Variants in CD72 observed in about 807,000 individuals in gnomAD.
The protein encoded by CD72 is CD72 molecule.
Under a neutral mutation model 50.7 loss-of-function variants are expected in CD72, and 28 were observed. That is an observed-to-expected ratio of 0.55 (90% CI 0.41 to 0.76). CD72 has a LOEUF of 0.76. Ranked by LOEUF, CD72 falls within the 30% of genes least tolerant of loss-of-function variation. The pLI, the probability that CD72 is intolerant of heterozygous loss-of-function variation, is 0.00. For synonymous variants in CD72, 176 were observed against 171.2 expected (o/e 1.03, Z -0.22); for missense variants, 403 against 420.6 (o/e 0.96, Z 0.37).
intron 1 of CD72, among the ~76,000 whole-genome samples, chr9:35,641,190 G>T (rs973110877): frequency 2.0e-5 from 3 of 152,158 alleles, no homozygotes; most frequent in Non-Finnish European, 4.4e-5. Context: ...TTCCTCGGGG[G>T]GGGTGCCTTC....
intron 1 of CD72, among the ~76,000 whole-genome samples, chr9:35,626,775 T>C (rs1472103927): frequency 6.6e-6 from 1 of 152,214 alleles, no homozygotes; most frequent in Non-Finnish European, 1.5e-5. Flanking sequence ...CAATAAGGTA[T>C]TTTTTAATTA....
chr9:35,634,580 T>C (rs1448343570), intron 1 of CD72, among the ~76,000 whole-genome samples: 1 of 152,222 alleles, frequency 6.6e-6, no homozygotes, highest in East Asian at 1.9e-4. Context: ...TTTGAACTCC[T>C]GACCTCAGGT....
chr9:35,638,880 G>A (rs1329556444), intron 1 of CD72, among the ~76,000 whole-genome samples: 3 of 152,130 alleles, frequency 2.0e-5, no homozygotes, highest in African/African-American at 7.2e-5. Context: ...TAAAAAGGCA[G>A]CACACAAAGC....
At chr9:35,610,803 C>G (rs747204642) in intron 7 of CD72, 50 bp from the exon 8 acceptor site, 11 of 1,462,082 alleles carry the variant, frequency 7.5e-6, no homozygotes, top group Non-Finnish European at 1.0e-5. Flanking sequence ...ATATCCCACC[C>G]TCCCTTCTCT....
chr9:35,619,213 C>G (rs573234189), upstream of CD72, among the ~76,000 whole-genome samples: 47 of 152,294 alleles, frequency 3.1e-4, no homozygotes, highest in African/African-American at 1.1e-3. Context: ...GCGGAGGACC[C>G]AGGGACCGCG....
chr9:35,614,015 C>T (rs560908887), intron 5 of CD72, among the ~76,000 whole-genome samples: 2 of 149,412 alleles, frequency 1.3e-5, no homozygotes, highest in Non-Finnish European at 3.0e-5. Flanking sequence ...CGAGACTCCG[C>T]CTCAAAAAAA....
At chr9:35,635,711 T>C (rs1352136802) in intron 1 of CD72, among the ~76,000 whole-genome samples, 1 of 152,194 alleles carries the variant, frequency 6.6e-6, no homozygotes, top group Non-Finnish European at 1.5e-5. Context: ...AGAGTCATGA[T>C]TGTCCTTGGG....
chr9:35,614,090 A>G lies in CD72; in HGVS notation c.689-1097T>C, dbSNP rs564069453. Reference sequence around the variant, plus strand: ...GGAGATAAGTGGCACACTGAAAGGTAGGCAGGAGTGATGGAAGCCATGTTA... The same window carrying G: ...GGAGATAAGTGGCACACTGAAAGGTGGGCAGGAGTGATGGAAGCCATGTTA... On this transcript the variant is annotated intron_variant, in intron 5 of 8. Transcript: ENST00000259633. Among the ~76,000 whole-genome samples, 4 of 152,196 alleles carry G rather than the reference A, an allele frequency of 2.6e-5. No individual in the cohort carries two copies. The East Asian group carries it at 7.7e-4, about 29-fold the overall frequency.
chr9:35,611,717 G>A, intron 7 of CD72, 87 bp downstream of exon 7: 1 of 750,690 alleles, frequency 1.3e-6, no homozygotes, highest in South Asian at 1.5e-5. Context: ...AGTCCTGAGG[G>A]GACCAGGTGG....
upstream of CD72, among the ~76,000 whole-genome samples, chr9:35,623,552 T>A (rs1294101107): frequency 6.6e-6 from 1 of 152,194 alleles, no homozygotes; most frequent in Non-Finnish European, 1.5e-5. Flanking sequence ...AAACCCCTGC[T>A]GATGAGGCAG....
chr9:35,624,255 AT>A (rs1473233827), upstream of CD72, among the ~76,000 whole-genome samples: 4 of 142,194 alleles, frequency 2.8e-5, no homozygotes, highest in South Asian at 2.1e-4. Flanking sequence ...AATAATAATA[AT>A]AATAATAAAT....
intron 5 of CD72, among the ~76,000 whole-genome samples, chr9:35,613,507 C>T (rs1320560895): frequency 6.6e-6 from 1 of 152,084 alleles, no homozygotes; most frequent in Non-Finnish European, 1.5e-5. Flanking sequence ...AAATAAATAT[C>T]CCTCTTTCTT....
chr9:35,629,880 C>G (rs1219786850), intron 1 of CD72, among the ~76,000 whole-genome samples: 3 of 152,212 alleles, frequency 2.0e-5, no homozygotes, highest in Admixed American at 1.3e-4. Context: ...TATGTCAGCC[C>G]ACTTTCTCCA....
At chr9:35,636,047 G>A (rs1281093674) in intron 1 of CD72, among the ~76,000 whole-genome samples, 1 of 152,174 alleles carries the variant, frequency 6.6e-6, no homozygotes, top group Non-Finnish European at 1.5e-5. Flanking sequence ...TTGGGGGAGA[G>A]AGGTTTTTAC....
upstream of CD72, among the ~76,000 whole-genome samples, chr9:35,619,274 G>C (rs755160073): frequency 7.2e-5 from 11 of 152,168 alleles, no homozygotes; most frequent in Non-Finnish European, 1.6e-4. Flanking sequence ...GAGGGAACCA[G>C]TTGGGGGAAA....
intron 6 of CD72, among the ~76,000 whole-genome samples, chr9:35,612,194 C>A (rs1378380795): frequency 6.6e-6 from 1 of 152,158 alleles, no homozygotes; most frequent in Admixed American, 6.5e-5. Flanking sequence ...ACAATCCAGC[C>A]CACCAGGTGT....
At chr9:35,633,831 A>G (rs1823267586) in intron 1 of CD72, among the ~76,000 whole-genome samples, 1 of 152,196 alleles carries the variant, frequency 6.6e-6, no homozygotes, top group East Asian at 1.9e-4. Context: ...ACCCTGATAA[A>G]CCCATCGTAA....
chr9:35,630,199 C>T (rs186347860), intron 1 of CD72, among the ~76,000 whole-genome samples: 70 of 152,056 alleles, frequency 4.6e-4, no homozygotes, highest in Non-Finnish European at 8.4e-4. Context: ...CCATCACGCC[C>T]GGCTAATTTT....
intron 1 of CD72, among the ~76,000 whole-genome samples, chr9:35,638,931 G>A (rs981760970): frequency 7.9e-5 from 12 of 152,186 alleles, no homozygotes; most frequent in African/African-American, 2.9e-4. Flanking sequence ...CCAAGGTAAA[G>A]GCGAAAACCC....
Sources: gnomAD v4.1 joint callset for allele counts (sites outside exome capture counted in the v4.1 genomes callset) on GRCh38, gnomAD v4.1.1 for gene constraint, MANE v1.5 for transcripts, NCBI Gene and HGNC (gene_info 2026-07-23, HGNC 2026-07-21) for gene names.